ZNF221: variants seen among roughly 807,000 people sequenced by gnomAD.
ZNF221 encodes the protein zinc finger protein 221.
ZNF221 carries 10 observed loss-of-function variants against 12.6 expected under a neutral mutation model. The ratio of observed to expected loss-of-function variants is 0.79; its 90% CI spans 0.49 to 1.34. The LOEUF (loss-of-function observed/expected upper bound fraction) is 1.34. Ranked by LOEUF, ZNF221 falls within the 40% of genes most tolerant of loss-of-function variation. The pLI, the probability that ZNF221 is intolerant of heterozygous loss-of-function variation, is 0.00. For missense variants in ZNF221, 661 were observed against 721.4 expected, an observed-to-expected ratio of 0.92 and a Z score of 0.96; for synonymous variants, 232 against 244.0, an observed-to-expected ratio of 0.95 and a Z score of 0.46.
At chr19:43,954,798 A>AT (rs1465786623) in intron 1 of ZNF221, among the ~76,000 whole-genome samples, 1 of 152,078 alleles carries the variant, frequency 6.6e-6, no homozygotes, top group Non-Finnish European at 1.5e-5. Flanking sequence ...GAAAAAAAAA[A>AT]GTGTAATCAT....
chr19:43,967,002 C>G lies in ZNF221; in HGVS notation c.1500C>G (p.His500Gln). 2 of 1,613,288 alleles carry G rather than the reference C, an allele frequency of 1.2e-6. No individual in the cohort carries two copies. Among genetic ancestry groups the G allele is most frequent in the South Asian group, 2.2e-5 (2 of 91,032 alleles). ...GTCTTTTGAAACATCAGAGACTCCA[C>G]AGTGGGGAAAAACCTTTCAAATGTG... The part of the protein sequence containing the change: ...ASCLLKHQRL[H>Q]SGEKPFKCEE... The change falls in exon 5 of 5, where the codon CAC becomes CAG. Residue 500 changes from histidine to glutamine, a missense_variant. Coordinates refer to ENST00000587682, the MANE Select transcript of ZNF221 (RefSeq NM_001297588.2).
At chr19:43,968,921 G>A (rs1975037281), downstream of ZNF221, among the ~76,000 whole-genome samples, 1 of 152,208 alleles carries the variant, frequency 6.6e-6, no homozygotes, top group South Asian at 2.1e-4. Flanking sequence ...CCTTGGGTTT[G>A]ATACACAGAG....
At position 43,966,637 on chromosome 19, in the gene ZNF221, C is replaced by T. The variant is rs144954458; in HGVS notation, c.1135C>T (p.Arg379Ter). 6.3e-5 allele frequency: 101 copies of T among 1,613,270 alleles called. No homozygotes were observed. Among genetic ancestry groups the T allele is most frequent in the Middle Eastern group, 1.6e-4 (1 of 6,074 alleles). ...ATGTGGAAAAGGCTTCATTTGTAGGCGAGATTTTTGTAAGCATCAGATGGT... is the reference window on the plus strand; with the variant it reads ...ATGTGGAAAAGGCTTCATTTGTAGGTGAGATTTTTGTAAGCATCAGATGGT... The part of the protein sequence containing the change: ...EQCGKGFICR[R>*]DFCKHQMVHT... Residue 379 changes from arginine (R) to a stop codon, truncating the protein, a stop_gained, in exon 5 of 5, where the codon CGA becomes TGA. Transcript: ENST00000587682. LOFTEE classifies it low-confidence loss of function (END_TRUNC).
the ZNF221 span, among the ~76,000 whole-genome samples, chr19:43,973,886 G>GA: frequency 6.2e-3 from 940 of 150,916 alleles, 8 homozygotes; most frequent in African/African-American, 0.019. Context: ...CACAGAATTA[G>GA]AAAAAAAAAC....
chr19:43,961,435 C>G (rs1049891429), intron 1 of ZNF221, among the ~76,000 whole-genome samples: 1 of 152,046 alleles, frequency 6.6e-6, no homozygotes, highest in African/African-American at 2.4e-5. Flanking sequence ...TTAGGAAGGG[C>G]TGGCTATAGA....
the ZNF221 span, among the ~76,000 whole-genome samples, chr19:43,976,449 A>C: frequency 6.6e-6 from 1 of 152,112 alleles, no homozygotes; most frequent in Admixed American, 6.5e-5. Context: ...AGGCATGAGA[A>C]TCGCTTGAGC....
At chr19:43,957,559 A>G (rs1974777244) in intron 1 of ZNF221, among the ~76,000 whole-genome samples, 1 of 152,148 alleles carries the variant, frequency 6.6e-6, no homozygotes, top group Admixed American at 6.6e-5. Flanking sequence ...AAAGATTTTC[A>G]CCCTGTTGGA....
At chr19:43,976,233 T>C in the ZNF221 span, among the ~76,000 whole-genome samples, 2 of 151,636 alleles carry the variant, frequency 1.3e-5, no homozygotes, top group African/African-American at 4.8e-5. Context: ...TGTAGTTACA[T>C]TGACAAAAAT....
the ZNF221 span, chr19:43,976,684 T>C: frequency 1.3e-5 from 2 of 152,214 alleles, no homozygotes; most frequent in African/African-American, 4.8e-5. Flanking sequence ...TGAAGGAAAA[T>C]TTTTGGCAAC....
chr19:43,959,440 G>A (rs1273392014), intron 1 of ZNF221, among the ~76,000 whole-genome samples: 1 of 152,192 alleles, frequency 6.6e-6, no homozygotes, highest in Non-Finnish European at 1.5e-5. Context: ...GATATAGTTT[G>A]GATGTTTGGT....
At chr19:43,975,577 A>G in the ZNF221 span, among the ~76,000 whole-genome samples, 9 of 152,160 alleles carry the variant, frequency 5.9e-5, no homozygotes, top group African/African-American at 2.2e-4. Context: ...AGAATAGCTA[A>G]TGGATGCTGT....
chr19:43,954,259 T>C (rs1974720246), intron 1 of ZNF221, among the ~76,000 whole-genome samples: 1 of 152,140 alleles, frequency 6.6e-6, no homozygotes, highest in Admixed American at 6.5e-5. Flanking sequence ...ACATATAGCT[T>C]CACCATTTCA....
chr19:43,979,380 T>A, the ZNF221 span, among the ~76,000 whole-genome samples: 1 of 151,524 alleles, frequency 6.6e-6, no homozygotes, highest in Admixed American at 6.6e-5. Context: ...AATTACAACA[T>A]GCCTAGACTA....
chr19:43,967,405 C>T lies in ZNF221; in HGVS notation c.*49C>T. 7.2e-7 allele frequency: 1 copy of T among 1,386,304 alleles called. No individual in the cohort carries two copies. Among genetic ancestry groups the T allele is most frequent in the Non-Finnish European group, 1.0e-6 (1 of 998,928 alleles). 85.9% of individuals were successfully genotyped at this position (1,386,304 alleles called of 1,614,324 possible). ...TTGGCTGGGCCTCAACTCATCTGAC[C>T]CATCAATTCTCCACAGCAGAGAAAA... On this transcript the variant is annotated 3_prime_UTR_variant, in exon 5 of 5. Transcript: ENST00000587682.
At chr19:43,965,127 T>C (rs1045975125) in intron 3 of ZNF221, 51 bp downstream of exon 3, 21 of 1,606,350 alleles carry the variant, frequency 1.3e-5, no homozygotes, top group Non-Finnish European at 1.8e-5. Context: ...GGAATGGCTT[T>C]GTATTCCAAG....
the ZNF221 span, chr19:43,978,345 C>G: frequency 6.6e-6 from 1 of 152,250 alleles, no homozygotes; most frequent in African/African-American, 2.4e-5. Context: ...TGACTTATGC[C>G]TGCTATGTTA....
Position 43,965,030 on chromosome 19 carries a change from G to A in ZNF221, c.162G>A (p.Leu54=), listed in dbSNP as rs752763180. 7 of 1,614,178 alleles carry A rather than the reference G, an allele frequency of 4.3e-6. No individual in the cohort carries two copies. Among genetic ancestry groups the A allele is most frequent in the Non-Finnish European group, 5.9e-6 (7 of 1,180,026 alleles). ...TGCTGGACCCTGCCCAGAGGAAGCT[G>A]TACCGAGATGTGATGCTAGAGAACT... The part of the protein sequence containing the change: ...LGLLDPAQRK[L]YRDVMLENFR... The change falls in exon 3 of 5, where the codon CTG becomes CTA. Residue 54 remains leucine, a synonymous_variant. Transcript: ENST00000587682.
downstream of ZNF221, among the ~76,000 whole-genome samples, chr19:43,970,135 G>A (rs1726143037): frequency 6.6e-6 from 1 of 152,152 alleles, no homozygotes; most frequent in South Asian, 2.1e-4. Flanking sequence ...GAGGCAACTA[G>A]GGTCTCGAGC....
chr19:43,973,360 C>T, the ZNF221 span, among the ~76,000 whole-genome samples: 8 of 152,090 alleles, frequency 5.3e-5, no homozygotes, highest in African/African-American at 1.7e-4. Flanking sequence ...CAGCCCCCCG[C>T]CCTTTCCCCA....
Sources: gnomAD v4.1 joint callset for allele counts (sites outside exome capture counted in the v4.1 genomes callset) on GRCh38, gnomAD v4.1.1 for gene constraint, MANE v1.5 for transcripts, NCBI Gene and HGNC (gene_info 2026-07-23, HGNC 2026-07-21) for gene names.